Variants in KIRREL3 observed in about 807,000 individuals in gnomAD.
KIRREL3 encodes the protein kirre like nephrin family adhesion molecule 3, also known as kin of IRRE-like protein 3.
A neutral mutation model predicts 89.7 loss-of-function variants in KIRREL3; 36 were observed. The observed-to-expected ratio is 0.40, with a 90% CI of 0.31 to 0.53. The LOEUF is 0.53. KIRREL3 is among the 20% of genes least tolerant of loss of function. The pLI, the probability that KIRREL3 is intolerant of heterozygous loss-of-function variation, is 0.49. For synonymous variants in KIRREL3, 445 were observed against 441.4 expected, an observed-to-expected ratio of 1.01 and a Z score of -0.10; for missense variants, 864 against 1,056.6, an observed-to-expected ratio of 0.82 and a Z score of 2.53.
intron 1 of KIRREL3, among the ~76,000 whole-genome samples, chr11:126,919,134 A>G (rs556307216): frequency 6.6e-6 from 1 of 152,250 alleles, no homozygotes; most frequent in Non-Finnish European, 1.5e-5. Flanking sequence ...TGATAAATAC[A>G]TGCATAATTT....
chr11:126,706,107 C>T (rs951917358), intron 1 of KIRREL3, among the ~76,000 whole-genome samples: 6 of 152,158 alleles, frequency 3.9e-5, no homozygotes, highest in Admixed American at 6.5e-5. Context: ...CTGCAGCCCC[C>T]GATGTCACTA....
intron 1 of KIRREL3, among the ~76,000 whole-genome samples, chr11:126,866,658 CA>C (rs1555067663): frequency 1.3e-5 from 2 of 151,736 alleles, no homozygotes; most frequent in Non-Finnish European, 2.9e-5. Flanking sequence ...TGCCCCCCCA[CA>C]CACACTGACC....
chr11:126,706,741 G>A (rs958768247), intron 1 of KIRREL3, among the ~76,000 whole-genome samples: 2 of 152,022 alleles, frequency 1.3e-5, no homozygotes, highest in Non-Finnish European at 2.9e-5. Flanking sequence ...CTTTTGATAT[G>A]TTTATCAGCT....
intron 1 of KIRREL3, among the ~76,000 whole-genome samples, chr11:126,813,874 C>T (rs80182138): frequency 0.018 from 2,767 of 151,400 alleles, 95 homozygotes; most frequent in African/African-American, 0.064. Context: ...ATGATGAAAA[C>T]GCCAAAAGCA....
At chr11:126,450,242 T>C in intron 7 of KIRREL3, among the ~76,000 whole-genome samples, 1 of 149,010 alleles carries the variant, frequency 6.7e-6, no homozygotes, top group South Asian at 2.1e-4. Context: ...TGCATATGAA[T>C]ATGCATGTGT....
intron 1 of KIRREL3, among the ~76,000 whole-genome samples, chr11:126,712,009 T>C (rs1346601845): frequency 6.6e-6 from 1 of 152,166 alleles, no homozygotes; most frequent in Non-Finnish European, 1.5e-5. Flanking sequence ...TGAACTACTG[T>C]TTCTCAGCAA....
intron 5 of KIRREL3, among the ~76,000 whole-genome samples, chr11:126,473,070 C>T (rs57295489): frequency 7.8e-5 from 6 of 76,852 alleles, no homozygotes; most frequent in Non-Finnish European, 1.8e-4. Context: ...CAGCCCCCAC[C>T]ATCCTCTTCT....
chr11:126,984,450 C>T (rs993072671), intron 1 of KIRREL3, among the ~76,000 whole-genome samples: 14 of 152,272 alleles, frequency 9.2e-5, no homozygotes, highest in African/African-American at 3.4e-4. Flanking sequence ...CAGACGGACA[C>T]TTCATGGCAG....
At chr11:126,460,521 C>G (rs1264095915) in intron 6 of KIRREL3, among the ~76,000 whole-genome samples, 1 of 152,174 alleles carries the variant, frequency 6.6e-6, no homozygotes, top group Non-Finnish European at 1.5e-5. Context: ...CACCACTACC[C>G]AGTACTGCCT....
chr11:126,617,268 C>T (rs144416459), intron 1 of KIRREL3, among the ~76,000 whole-genome samples: 129 of 152,290 alleles, frequency 8.5e-4, no homozygotes, highest in African/African-American at 3.0e-3. Flanking sequence ...GGCTTGCCCA[C>T]GCAGTTAGAT....
At position 126,515,854 on chromosome 11, in the gene KIRREL3, G is replaced by T. The variant is rs1463331366; in HGVS notation, c.433+5461C>A. ...GCCTTTTTATGTCAGGGTGACTATGGATGGGTTTCTTGCAACCAGTTTCTG... is the reference window on the plus strand; with the variant it reads ...GCCTTTTTATGTCAGGGTGACTATGTATGGGTTTCTTGCAACCAGTTTCTG... On this transcript the variant is annotated intron_variant, in intron 4 of 16. Transcript: ENST00000525144. The surrounding 1 kb of genome is among the most constrained non-coding windows in gnomAD (Gnocchi z 4.2). Among the ~76,000 whole-genome samples the T allele has an allele frequency of 6.6e-6, 1 of 152,206 alleles. No individual in the cohort carries two copies. The highest frequency in any genetic ancestry group is 2.4e-5 in the African/African-American group (1 of 41,446).
At position 126,436,824 on chromosome 11, in the gene KIRREL3, C is replaced by G. The variant is rs771360566; in HGVS notation, c.1539G>C (p.Arg513=). 6.2e-7 allele frequency: 1 copy of G among 1,613,552 alleles called. No individual in the cohort carries two copies. ...GGCAGCTCTCACCTTGCTCCTTGAG[C>G]CGGATGATCTCAGTGTCGGAGCCGA... ...NSFGSDTEII[R]LKEQGSEMKS... Residue 513 remains arginine, a synonymous_variant, in exon 12 of 17, where the codon CGG becomes CGC. Transcript: ENST00000525144.
rs1003161560 is a variant in KIRREL3 at position 126,684,745 on chromosome 11, C to T, written c.56-121833G>A. 2.0e-5 allele frequency among the ~76,000 whole-genome samples: 3 copies of T among 152,212 alleles called. No individual in the cohort carries two copies. Among genetic ancestry groups the T allele is most frequent in the Non-Finnish European group, 4.4e-5 (3 of 68,038 alleles). On this transcript the variant is annotated intron_variant, in intron 1 of 16. Coordinates refer to ENST00000525144, the MANE Select transcript of KIRREL3 (RefSeq NM_032531.4). This position sits in a 1 kb window ranked among gnomAD's most constrained non-coding sequence, Gnocchi z 4.2. ...CTGAAGCTTGTAAAGGCCACCTAAT[C>T]ACTTTGCTTTGGTATTCATTAGTCA...
chr11:126,768,841 A>G lies in KIRREL3; in HGVS notation c.56-205929T>C, dbSNP rs1212338265. The stretch of plus-strand genomic sequence containing the variant: ...CAGGATGTCTGAGCAGTCGGCGGAG[A>G]CCAGACATAGAGCTCCATGGAGCAC... On this transcript the variant is annotated intron_variant, in intron 1 of 16. Transcript: ENST00000525144. The surrounding 1 kb of genome is among the most constrained non-coding windows in gnomAD (Gnocchi z 4.5). Among the ~76,000 whole-genome samples, 41 of 152,142 alleles carry G rather than the reference A, an allele frequency of 2.7e-4. No individual in the cohort carries two copies. Among genetic ancestry groups the G allele is most frequent in the Admixed American group, 2.7e-3 (41 of 15,272 alleles).
rs1029938544 is a variant in KIRREL3, at chr11:126,553,753, T to G, written c.133+9082A>C. ...TCCCATTAAAAGGCCAGGTTTCCAT[T>G]GCCCTTCTGCCTGGCCACTCGGCCA... is the stretch of plus-strand genomic sequence containing the variant. On this transcript the variant is annotated intron_variant, in intron 2 of 16. Coordinates refer to ENST00000525144, the MANE Select transcript of KIRREL3 (RefSeq NM_032531.4). The surrounding 1 kb of genome is among the most constrained non-coding windows in gnomAD (Gnocchi z 4.7). Among the ~76,000 whole-genome samples the G allele has an allele frequency of 2.0e-5, 3 of 152,200 alleles. No homozygotes were observed. Among genetic ancestry groups the G allele is most frequent in the Non-Finnish European group, 4.4e-5 (3 of 68,030 alleles).
chr11:126,937,292 T>C (rs1348535141), intron 1 of KIRREL3: 1 of 152,288 alleles, frequency 6.6e-6, no homozygotes, highest in Non-Finnish European at 1.5e-5. Context: ...AATATAGTTA[T>C]CACTTGCCAG....
In KIRREL3 at chr11:126,991,881, C is replaced by CA. The variant is rs1211323840; in HGVS notation, c.55+8573dup. ...CTGGATGTACCAGCATCTTGAGGAA[C>CA]ATCAAGGCACATGAATAAGTGAACC... On this transcript the variant is annotated intron_variant, in intron 1 of 16. Transcript: ENST00000525144. The surrounding 1 kb of genome is among the most constrained non-coding windows in gnomAD (Gnocchi z 5.8). Among the ~76,000 whole-genome samples the CA allele has an allele frequency of 6.6e-6, 1 of 152,168 alleles. No homozygotes were observed. Among genetic ancestry groups the CA allele is most frequent in the Non-Finnish European group, 1.5e-5 (1 of 68,028 alleles).
At chr11:126,810,753 T>C (rs943950552) in intron 1 of KIRREL3, among the ~76,000 whole-genome samples, 1 of 152,026 alleles carries the variant, frequency 6.6e-6, no homozygotes, top group Non-Finnish European at 1.5e-5. Flanking sequence ...GGAGGAGTAA[T>C]GGGAAGAGAT....
intron 1 of KIRREL3, among the ~76,000 whole-genome samples, chr11:126,980,414 T>A (rs545533726): frequency 2.7e-4 from 41 of 152,214 alleles, no homozygotes; most frequent in African/African-American, 9.6e-4. Context: ...GTGAAGGTAT[T>A]GGGGCTTTGT....
Sources: gnomAD v4.1 joint callset for allele counts (sites outside exome capture counted in the v4.1 genomes callset) on GRCh38, gnomAD v4.1.1 for gene constraint, Gnocchi (gnomAD v3.1) non-coding constraint, MANE v1.5 for transcripts, NCBI Gene and HGNC (gene_info 2026-07-23, HGNC 2026-07-21) for gene names.